The following INO80 variants were observed in gnomAD, a reference collection of about 807,000 sequenced individuals.
INO80 encodes INO80 complex ATPase subunit, also known as chromatin-remodeling ATPase INO80.
In INO80, 20 loss-of-function variants were observed where a neutral mutation model predicts 203.4. The ratio of observed to expected loss-of-function variants is 0.10; its 90% CI spans 0.07 to 0.14. The LOEUF is 0.14. Among genes scored for constraint, INO80 ranks in the 10% least tolerant of loss-of-function variants. The pLI, the probability that INO80 is intolerant of heterozygous loss-of-function variation, is 1.00. For missense variants in INO80, 1,419 were observed against 1,914.4 expected (o/e 0.74, Z 4.83); for synonymous variants, 726 against 685.2 (o/e 1.06, Z -0.93).
intron 34 of INO80, 126 bp from the exon 35 acceptor site, chr15:40,983,203 G>C (rs77520362): frequency 0.031 from 20,516 of 667,604 alleles, 1,642 homozygotes; most frequent in African/African-American, 0.23. Context: ...CCCATGAGGA[G>C]GTCTATGTCT....
intron 1 of INO80, among the ~76,000 whole-genome samples, chr15:41,112,892 C>T (rs2045977992): frequency 6.6e-6 from 1 of 150,842 alleles, no homozygotes; most frequent in Non-Finnish European, 1.5e-5. Context: ...TCCACTGCAT[C>T]CTAGCGTTTA....
intron 16 of INO80, 54 bp from the exon 17 acceptor site, chr15:41,056,760 T>C: frequency 6.8e-7 from 1 of 1,478,476 alleles, no homozygotes; most frequent in Middle Eastern, 1.7e-4. Context: ...GTTCTTTAAT[T>C]ATCCTACTGA....
intron 23 of INO80, 56 bp from the exon 24 acceptor site, chr15:41,045,131 C>T (rs939402702): frequency 5.1e-6 from 7 of 1,376,178 alleles, no homozygotes; most frequent in South Asian, 3.0e-5. Context: ...GTTTGAGGGT[C>T]GTTCATAGCA....
Position 41,047,968 on chromosome 15 carries a change from G to A in INO80, c.2641+244C>T, listed in dbSNP as rs530693868. On this transcript the variant is annotated intron_variant, in intron 22 of 35. Transcript: ENST00000648947. ...TTTCAAGGGCAAGAAATTCTTGAAA[G>A]GCAGGTATAAAATAAAGATGGAAAG... is the stretch of plus-strand genomic sequence containing the variant. Among the ~76,000 whole-genome samples, 3 of 152,276 alleles carry A rather than the reference G, an allele frequency of 2.0e-5. No homozygotes were observed. In the South Asian group the frequency reaches 6.2e-4, roughly 32 times the overall value.
In INO80 at chr15:41,069,773, A is replaced by C. The variant is rs568391647; in HGVS notation, c.1687-108T>G. 1.4e-4 allele frequency: 90 copies of C among 640,774 alleles called. 1 individual carries two copies. In the South Asian group the frequency reaches 1.7e-3, roughly 12 times the overall value. 39.7% of individuals were successfully genotyped at this position (640,774 alleles called of 1,614,324 possible). A position where few individuals can be genotyped will look rare whatever the true frequency, so the allele number is the denominator to read the frequency against. On this transcript the variant is annotated intron_variant, in intron 13 of 35. Transcript: ENST00000648947. ...CTAAGAATAGGAAACAAATAACAAG[A>C]GAAACAGTGAGTAAATCCCAAATCT...
chr15:41,026,194 T>C (rs1566916317), intron 25 of INO80, among the ~76,000 whole-genome samples: 1 of 152,036 alleles, frequency 6.6e-6, no homozygotes, highest in Non-Finnish European at 1.5e-5. Context: ...CGCAAGCTGA[T>C]AAAAAATAAT....
At chr15:41,007,825 G>A (rs1045870593) in intron 27 of INO80, among the ~76,000 whole-genome samples, 3 of 151,042 alleles carry the variant, frequency 2.0e-5, no homozygotes, top group East Asian at 1.9e-4. Flanking sequence ...TGAATAGAGC[G>A]ACATCTACAT....
intron 27 of INO80, chr15:41,013,181 T>A (rs1252355743): frequency 6.6e-6 from 1 of 152,232 alleles, no homozygotes; most frequent in Non-Finnish European, 1.5e-5. Context: ...AGAGCTTTGA[T>A]ACCCGCAATG....
chr15:40,984,755 C>G (rs1304340326), intron 32 of INO80, among the ~76,000 whole-genome samples: 1 of 152,242 alleles, frequency 6.6e-6, no homozygotes, highest in African/African-American at 2.4e-5. Context: ...TCACCAGCCG[C>G]TGGCACATCC....
At chr15:41,061,980 C>G (rs1165623710) in intron 14 of INO80, among the ~76,000 whole-genome samples, 1 of 152,148 alleles carries the variant, frequency 6.6e-6, no homozygotes, top group Non-Finnish European at 1.5e-5. Context: ...CACAGGGCTT[C>G]TTGAATCTAC....
At chr15:41,101,195 T>C (rs540628529) in intron 1 of INO80, among the ~76,000 whole-genome samples, 4 of 152,194 alleles carry the variant, frequency 2.6e-5, no homozygotes, top group African/African-American at 7.2e-5. Flanking sequence ...TTGATTAGCA[T>C]GTTAAAAGCT....
chr15:41,091,846 G>A (rs2045649419), intron 5 of INO80, among the ~76,000 whole-genome samples, 181 bp downstream of exon 5: 1 of 151,618 alleles, frequency 6.6e-6, no homozygotes. Context: ...TAGACAGGGG[G>A]TTTCACCATG....
intron 32 of INO80, among the ~76,000 whole-genome samples, chr15:40,984,865 C>G (rs528652204): frequency 2.4e-4 from 36 of 152,328 alleles, no homozygotes; most frequent in African/African-American, 8.7e-4. Context: ...ATTTTTAAGA[C>G]AGTTCAAATC....
chr15:41,074,317 T>C (rs558550231), intron 10 of INO80, 53 bp downstream of exon 10: 12 of 1,360,428 alleles, frequency 8.8e-6, no homozygotes, highest in East Asian at 2.3e-5. Context: ...ATATAACCTT[T>C]AGATATAAAA....
Position 40,980,200 on chromosome 15 carries a change from AG to A in INO80, c.*22del. 1 of 1,602,860 alleles carries A rather than the reference AG, an allele frequency of 6.2e-7. No homozygotes were observed. Among genetic ancestry groups the A allele is most frequent in the Non-Finnish European group, 8.5e-7 (1 of 1,171,462 alleles). On this transcript the variant is annotated 3_prime_UTR_variant, in exon 36 of 36. Transcript: ENST00000648947. ...AGGACTCTAGCCCTGGTTTGGTTGAAGGAAGTCGGAGGGCCCAGATGGTTAC... is the reference window on the plus strand; with the variant it reads ...AGGACTCTAGCCCTGGTTTGGTTGAAGAAGTCGGAGGGCCCAGATGGTTAC...
chr15:40,987,684 A>C (rs1468536348), intron 30 of INO80, 132 bp downstream of exon 30: 3 of 883,172 alleles, frequency 3.4e-6, no homozygotes, highest in Non-Finnish European at 5.2e-6. Flanking sequence ...TTTATTTTCT[A>C]TTCAGAAGAA....
At chr15:41,091,307 A>G in intron 5 of INO80, among the ~76,000 whole-genome samples, 1 of 151,092 alleles carries the variant, frequency 6.6e-6, no homozygotes, top group South Asian at 2.1e-4. Context: ...TGATCTGCCC[A>G]CTTCAGCCTC....
chr15:41,057,817 A>AG (rs1555403660), intron 16 of INO80, among the ~76,000 whole-genome samples: 2 of 138,622 alleles, frequency 1.4e-5, no homozygotes, highest in African/African-American at 3.2e-5. Context: ...AAAAAAAAAA[A>AG]AAAGAAAGAA....
intron 27 of INO80, among the ~76,000 whole-genome samples, chr15:41,013,462 C>A (rs1316988281): frequency 6.6e-6 from 1 of 152,064 alleles, no homozygotes; most frequent in East Asian, 1.9e-4. Context: ...ATGAAAGTGA[C>A]TGAAAAACAC....
Sources: allele counts gnomAD v4.1 joint callset (sites outside exome capture counted in the v4.1 genomes callset), GRCh38; gene constraint gnomAD v4.1.1; transcripts MANE v1.5; gene names NCBI Gene and HGNC (gene_info 2026-07-23, HGNC 2026-07-21).